The following SUGCT variants were observed in gnomAD, a reference collection of about 807,000 sequenced individuals.
SUGCT encodes the protein succinyl-CoA:glutarate-CoA transferase.
A neutral mutation model predicts 55.0 loss-of-function variants in SUGCT; 41 were observed. The ratio of observed to expected loss-of-function variants is 0.74; its 90% CI spans 0.58 to 0.97. The LOEUF (loss-of-function observed/expected upper bound fraction) is 0.97, where lower values mean the gene tolerates loss of function less well. Among genes scored for constraint, SUGCT ranks in the 50% least tolerant of loss-of-function variants. The pLI is 0.00. For synonymous variants in SUGCT, 187 were observed against 200.4 expected (o/e 0.93, Z 0.56); for missense variants, 568 against 547.8 (o/e 1.04, Z -0.37).
intron 9 of SUGCT, among the ~76,000 whole-genome samples, chr7:40,412,133 A>G (rs945837394): frequency 6.6e-6 from 1 of 152,200 alleles, no homozygotes; most frequent in African/African-American, 2.4e-5. Flanking sequence ...AGAGGCTGCC[A>G]GGGTGGTTTC....
chr7:40,692,797 A>C (rs543143192), intron 12 of SUGCT, among the ~76,000 whole-genome samples: 1 of 151,864 alleles, frequency 6.6e-6, no homozygotes, highest in Non-Finnish European at 1.5e-5. Context: ...AGCCAGCTGA[A>C]ATGGGTTCAT....
chr7:40,274,741 G>T, intron 8 of SUGCT, 85 bp downstream of exon 8: 1 of 1,267,752 alleles, frequency 7.9e-7, no homozygotes, highest in Non-Finnish European at 1.1e-6. Context: ...ATGGTCACAT[G>T]TACAAAAACA....
intron 13 of SUGCT, among the ~76,000 whole-genome samples, chr7:40,834,144 A>G (rs1173846931): frequency 6.6e-6 from 1 of 151,674 alleles, no homozygotes; most frequent in East Asian, 1.9e-4. Context: ...ATTCAATAAA[A>G]GCTGGGTGAC....
At chr7:40,473,391 T>C (rs1790501569) in intron 11 of SUGCT, among the ~76,000 whole-genome samples, 2 of 152,180 alleles carry the variant, frequency 1.3e-5, no homozygotes, top group Admixed American at 6.6e-5. Context: ...GATGTGATAT[T>C]TGATTGAAAT....
At chr7:40,309,789 C>CGATGTGTGGTGTGTGTGA (rs61287506) in intron 8 of SUGCT, among the ~76,000 whole-genome samples, 2 of 151,208 alleles carry the variant, frequency 1.3e-5, no homozygotes, top group Admixed American at 6.6e-5. Flanking sequence ...GCCCACACAG[C>CGATGTGTGGTGTGTGTGA]GAGAGGGACA....
chr7:40,740,204 A>G (rs1233944078), intron 12 of SUGCT, among the ~76,000 whole-genome samples: 1 of 151,974 alleles, frequency 6.6e-6, no homozygotes, highest in Admixed American at 6.6e-5. Context: ...TGGTTTGCAC[A>G]TGTTTATTGT....
intron 12 of SUGCT, among the ~76,000 whole-genome samples, chr7:40,575,815 C>T (rs550251073): frequency 3.9e-5 from 6 of 152,000 alleles, no homozygotes; most frequent in African/African-American, 1.4e-4. Context: ...TGTGGTGGCA[C>T]ATGCCTGTAA....
the SUGCT span, among the ~76,000 whole-genome samples, chr7:41,012,771 A>C: frequency 6.6e-6 from 1 of 152,148 alleles, no homozygotes; most frequent in African/African-American, 2.4e-5. Flanking sequence ...AACTAAAAAA[A>C]AAAATTAAAA....
chr7:40,832,646 C>T (rs1394156200), intron 13 of SUGCT, among the ~76,000 whole-genome samples: 2 of 148,216 alleles, frequency 1.3e-5, no homozygotes, highest in African/African-American at 2.5e-5. Context: ...ATACCTATTG[C>T]TTCAGGCCTT....
At chr7:40,856,014 C>T (rs750411658) in intron 13 of SUGCT, among the ~76,000 whole-genome samples, 5 of 152,184 alleles carry the variant, frequency 3.3e-5, no homozygotes, top group Non-Finnish European at 5.9e-5. Context: ...AATCCTTCTT[C>T]TTAGTCCTAT....
At chr7:40,377,693 T>C (rs1202229546) in intron 9 of SUGCT, among the ~76,000 whole-genome samples, 4 of 152,242 alleles carry the variant, frequency 2.6e-5, no homozygotes, top group Non-Finnish European at 4.4e-5. Context: ...CCTACAAGTA[T>C]TCTTTATTTA....
At chr7:40,948,619 G>A in the SUGCT span, among the ~76,000 whole-genome samples, 5 of 113,742 alleles carry the variant, frequency 4.4e-5, no homozygotes, top group Non-Finnish European at 9.3e-5. Context: ...CCCACCCGCC[G>A]ACAGGCCCCA....
chr7:40,910,414 T>C, the SUGCT span, among the ~76,000 whole-genome samples: 6 of 152,210 alleles, frequency 3.9e-5, no homozygotes, highest in Non-Finnish European at 8.8e-5. Context: ...TATCATGTGC[T>C]GGGTCAAGAG....
intron 7 of SUGCT, among the ~76,000 whole-genome samples, chr7:40,249,651 A>T (rs1169492964): frequency 2.0e-5 from 3 of 152,012 alleles, no homozygotes; most frequent in Non-Finnish European, 4.4e-5. Context: ...TAAGTAATGA[A>T]GTTTTTCTTA....
In SUGCT at chr7:40,795,839, T is replaced by C. The variant is rs142482635; in HGVS notation, c.1153+46342T>C. On this transcript the variant is annotated intron_variant, in intron 13 of 13. Coordinates refer to ENST00000335693, the MANE Select transcript of SUGCT (RefSeq NM_001193313.2). ...GGGAACTTGGGAAGGTGAAGTGCAATGTTATTTACATTTTTGTGCCAAAAC... is the reference window on the plus strand; with the variant it reads ...GGGAACTTGGGAAGGTGAAGTGCAACGTTATTTACATTTTTGTGCCAAAAC... Among the ~76,000 whole-genome samples, 289 of 152,292 alleles carry C rather than the reference T, an allele frequency of 1.9e-3. 1 individual carries two copies. Among genetic ancestry groups the C allele is most frequent in the African/African-American group, 6.4e-3 (267 of 41,572 alleles).
At position 40,435,945 on chromosome 7, in the gene SUGCT, CTT is replaced by C. The variant is rs11297778; in HGVS notation, c.817-13327_817-13326del. 1.5e-3 allele frequency among the ~76,000 whole-genome samples: 173 copies of C among 114,544 alleles called. 2 individuals are homozygous for C. The South Asian group carries it at 0.026, about 17-fold the overall frequency. 75.1% of individuals were successfully genotyped at this position (114,544 alleles called of 152,430 possible). Reference sequence around the variant, plus strand: ...TGACTGCTTTCTTTTCTTTTCTTTTCTTTTTTTTTTTTTTTTGAGATGGAGTC... The same window carrying C: ...TGACTGCTTTCTTTTCTTTTCTTTTCTTTTTTTTTTTTTTGAGATGGAGTC... On this transcript the variant is annotated intron_variant, in intron 9 of 13. Transcript: ENST00000335693.
chr7:40,788,280 AT>A (rs1293220604), intron 13 of SUGCT, among the ~76,000 whole-genome samples: 4 of 152,216 alleles, frequency 2.6e-5, no homozygotes, highest in Non-Finnish European at 4.4e-5. Context: ...AAGACAGAAG[AT>A]TGAAATGAGA....
chr7:40,816,429 C>G (rs1048011149), intron 13 of SUGCT, among the ~76,000 whole-genome samples: 13 of 152,208 alleles, frequency 8.5e-5, no homozygotes, highest in African/African-American at 3.1e-4. Context: ...AAAGTGTTCC[C>G]CCTTGGCCTG....
At chr7:40,914,047 A>AT in the SUGCT span, among the ~76,000 whole-genome samples, 126 of 144,616 alleles carry the variant, frequency 8.7e-4, no homozygotes, top group Admixed American at 2.5e-3. Context: ...TTAAGTCAAG[A>AT]TTTTTTTTTT....
Sources: allele counts gnomAD v4.1 joint callset (sites outside exome capture counted in the v4.1 genomes callset), GRCh38; gene constraint gnomAD v4.1.1; transcripts MANE v1.5; gene names NCBI Gene and HGNC (gene_info 2026-07-23, HGNC 2026-07-21).